The following ZBTB20 variants were observed in gnomAD, a reference collection of about 807,000 sequenced individuals.
The protein encoded by ZBTB20 is zinc finger and BTB domain containing 20, also known as zinc finger and BTB domain-containing protein 20.
ZBTB20 carries 9 observed loss-of-function variants against 56.9 expected under a neutral mutation model. That is an observed-to-expected ratio of 0.16 (90% CI 0.10 to 0.28). The LOEUF is 0.28. Among genes scored for constraint, ZBTB20 ranks in the 10% least tolerant of loss-of-function variants. ZBTB20 has a pLI of 1.00. For missense variants in ZBTB20, 655 were observed against 1,003.0 expected, an observed-to-expected ratio of 0.65 and a Z score of 4.69; for synonymous variants, 417 against 420.7, an observed-to-expected ratio of 0.99 and a Z score of 0.11.
At chr3:114,414,407 T>TA (rs2088299449) in intron 7 of ZBTB20, among the ~76,000 whole-genome samples, 1 of 152,108 alleles carries the variant, frequency 6.6e-6, no homozygotes, top group African/African-American at 2.4e-5. Context: ...GAAGAAACAT[T>TA]AGAGAAGAAT....
intron 5 of ZBTB20, among the ~76,000 whole-genome samples, chr3:114,761,147 C>T (rs986528865): frequency 6.6e-6 from 1 of 152,090 alleles, no homozygotes; most frequent in Non-Finnish European, 1.5e-5. Flanking sequence ...TAACATCTAG[C>T]CATTTAAAGA....
intron 10 of ZBTB20, among the ~76,000 whole-genome samples, chr3:114,371,238 TACTGTTA>T (rs1419597311): frequency 2.0e-5 from 3 of 152,304 alleles, no homozygotes; most frequent in Non-Finnish European, 4.4e-5. Flanking sequence ...ACCTAGATAT[TACTGTTA>T]ACTGGATTAA....
At chr3:114,484,327 A>G (rs1263283708) in intron 7 of ZBTB20, among the ~76,000 whole-genome samples, 1 of 152,208 alleles carries the variant, frequency 6.6e-6, no homozygotes, top group Non-Finnish European at 1.5e-5. Flanking sequence ...AACACAAACA[A>G]ACCCTACAGT....
chr3:114,554,806 A>G (rs2051002596), intron 6 of ZBTB20, among the ~76,000 whole-genome samples: 1 of 152,174 alleles, frequency 6.6e-6, no homozygotes, highest in African/African-American at 2.4e-5. Context: ...TGCTTCAAGT[A>G]GGAACAGCTA....
At chr3:114,794,423 A>G (rs1371811795) in intron 5 of ZBTB20, among the ~76,000 whole-genome samples, 4 of 152,066 alleles carry the variant, frequency 2.6e-5, no homozygotes, top group Non-Finnish European at 4.4e-5. Context: ...TTAGCTCCTG[A>G]GTATTGGGAT....
intron 2 of ZBTB20, among the ~76,000 whole-genome samples, chr3:115,019,816 A>T (rs1332150828): frequency 6.6e-6 from 1 of 151,340 alleles, no homozygotes; most frequent in East Asian, 1.9e-4. Flanking sequence ...TAAAACTGCA[A>T]AGAAAATCTT....
rs548191769 is a variant in ZBTB20 at position 114,662,028 on chromosome 3, A to G, written c.-295+31500T>C. 6.7e-5 allele frequency among the ~76,000 whole-genome samples: 10 copies of G among 148,468 alleles called. 1 individual carries two copies. In the South Asian group the frequency reaches 2.0e-3, roughly 30 times the overall value. On this transcript the variant is annotated intron_variant, in intron 6 of 11. Coordinates refer to ENST00000675478, the MANE Select transcript of ZBTB20 (RefSeq NM_001348800.3). ...ACTAACTCGTCATCTAGCCTTAGGT[A>G]TATCTCCCAATGCTATCCCTCCCCC... is the stretch of plus-strand genomic sequence containing the variant.
intron 1 of ZBTB20, among the ~76,000 whole-genome samples, chr3:115,117,195 G>T (rs930197190): frequency 1.3e-5 from 2 of 152,018 alleles, no homozygotes; most frequent in Non-Finnish European, 2.9e-5. Flanking sequence ...AAAATAATTT[G>T]TTTGGATTTT....
rs1455665941 is a variant in ZBTB20, at chr3:114,351,587, C to T, written c.491G>A (p.Arg164Gln). Reference sequence around the variant, plus strand: ...CTGCAGAGCTTCCGACTGCGAGACCCGTAGCACGCCGCTGTACATGAAGTC... The same window carrying T: ...CTGCAGAGCTTCCGACTGCGAGACCTGTAGCACGCCGCTGTACATGAAGTC... ...LIDFMYSGVLRVSQSEALQIL... is the reference protein window; with the variant it reads ...LIDFMYSGVLQVSQSEALQIL... Residue 164 changes from arginine to glutamine, a missense_variant, in exon 11 of 12, where the codon CGG becomes CAG. Around this residue, in one of 10 missense-constraint regions of ZBTB20, gnomAD observed 167 missense variants for 281.9 expected, o/e 0.59. Coordinates refer to ENST00000675478, the MANE Select transcript of ZBTB20 (RefSeq NM_001348800.3). 16 of 1,614,070 alleles carry T rather than the reference C, an allele frequency of 9.9e-6. No individual in the cohort carries two copies. Among genetic ancestry groups the T allele is most frequent in the Middle Eastern group, 3.3e-4 (2 of 6,062 alleles).
In ZBTB20 at chr3:114,943,708, T is replaced by C. The variant is rs553145770; in HGVS notation, c.-456+30658A>G. 3.1e-4 allele frequency among the ~76,000 whole-genome samples: 45 copies of C among 144,950 alleles called. 2 individuals carry two copies. Among genetic ancestry groups the C allele is most frequent in the Non-Finnish European group, 4.9e-4 (33 of 67,516 alleles). ...AAGGATGATAATAAAAGAAGAAGCA[T>C]TAGAGATATATAGAACATGGTTAAA... On this transcript the variant is annotated intron_variant, in intron 3 of 11. Coordinates refer to ENST00000675478, the MANE Select transcript of ZBTB20 (RefSeq NM_001348800.3).
chr3:114,747,292 G>A (rs1388333255), intron 5 of ZBTB20, among the ~76,000 whole-genome samples: 3 of 152,126 alleles, frequency 2.0e-5, no homozygotes, highest in Non-Finnish European at 4.4e-5. Flanking sequence ...TTGGCCAGGC[G>A]CAGTGGCTTA....
intron 4 of ZBTB20, among the ~76,000 whole-genome samples, chr3:114,854,195 T>C (rs577490387): frequency 1.2e-4 from 18 of 152,296 alleles, no homozygotes; most frequent in African/African-American, 3.8e-4. Context: ...GCAATATAAG[T>C]TTTCTGTGAG....
chr3:114,398,794 G>A (rs2108681848), intron 7 of ZBTB20, among the ~76,000 whole-genome samples: 1 of 152,268 alleles, frequency 6.6e-6, no homozygotes, highest in South Asian at 2.1e-4. Context: ...GTGTGCTATT[G>A]TGCCTGGTAT....
intron 5 of ZBTB20, among the ~76,000 whole-genome samples, chr3:114,747,159 A>C (rs2067104856): frequency 6.6e-6 from 1 of 152,218 alleles, no homozygotes; most frequent in South Asian, 2.1e-4. Flanking sequence ...TAAAATACTA[A>C]CCTTTTAGAA....
chr3:115,127,379 T>G (rs952570069), intron 1 of ZBTB20, among the ~76,000 whole-genome samples: 2 of 152,082 alleles, frequency 1.3e-5, no homozygotes, highest in Non-Finnish European at 1.5e-5. Context: ...CACTTGAGGT[T>G]AAGAGTTCAA....
intron 6 of ZBTB20, among the ~76,000 whole-genome samples, chr3:114,583,138 A>C (rs1324956859): frequency 6.6e-6 from 1 of 152,224 alleles, no homozygotes; most frequent in Non-Finnish European, 1.5e-5. Flanking sequence ...TACCTTTTCA[A>C]TGCTGCATTT....
chr3:114,318,204 A>C lies in ZBTB20; in HGVS notation c.*20801T>G, dbSNP rs148432924. ...CTGCCTCTCCATCTTCACAGTGAGC[A>C]GATGGATGGATAATCCACAGAGTCA... On this transcript the variant is annotated 3_prime_UTR_variant, in exon 12 of 12. Transcript: ENST00000675478. 2.2e-4 allele frequency: 34 copies of C among 152,390 alleles called. 1 individual carries two copies. The East Asian group carries it at 6.2e-3, about 28-fold the overall frequency. The allele number at this position is 152,390 out of a possible 1,614,324, so 9.4% of individuals were successfully genotyped here.
chr3:114,797,420 C>G (rs2071406179), intron 5 of ZBTB20, among the ~76,000 whole-genome samples: 1 of 151,702 alleles, frequency 6.6e-6, no homozygotes, highest in South Asian at 2.1e-4. Context: ...TCCTGACTTT[C>G]ATTTATTACT....
chr3:114,438,603 A>T (rs890884562), intron 7 of ZBTB20, among the ~76,000 whole-genome samples: 5 of 152,132 alleles, frequency 3.3e-5, no homozygotes, highest in Non-Finnish European at 5.9e-5. Flanking sequence ...TTAATGGAGG[A>T]ATTAACTTTT....
Sources: allele counts gnomAD v4.1 joint callset (sites outside exome capture counted in the v4.1 genomes callset), GRCh38; gene constraint gnomAD v4.1.1; regional missense constraint gnomAD v4.1.1; transcripts MANE v1.5; gene names NCBI Gene and HGNC (gene_info 2026-07-23, HGNC 2026-07-21).